AKAP6: variants seen among roughly 807,000 people sequenced by gnomAD.
AKAP6 encodes the protein A-kinase anchor protein 6.
A neutral mutation model predicts 188.5 loss-of-function variants in AKAP6; 58 were observed. That is an observed-to-expected ratio of 0.31 (90% CI 0.25 to 0.38). The LOEUF (loss-of-function observed/expected upper bound fraction) is 0.38, where lower values mean the gene tolerates loss of function less well. Among genes scored for constraint, AKAP6 ranks in the 10% least tolerant of loss-of-function variants. The pLI is 1.00. For missense variants in AKAP6, 2,710 were observed against 2,740.0 expected (o/e 0.99, Z 0.24); for synonymous variants, 989 against 998.6 (o/e 0.99, Z 0.18).
At chr14:32,776,770 G>C (rs2033080758) in intron 12 of AKAP6, among the ~76,000 whole-genome samples, 1 of 151,888 alleles carries the variant, frequency 6.6e-6, no homozygotes. Context: ...AATCTTTCTT[G>C]CTTAATAAGG....
intron 7 of AKAP6, among the ~76,000 whole-genome samples, chr14:32,667,500 C>G (rs1888995766): frequency 6.6e-6 from 1 of 152,026 alleles, no homozygotes; most frequent in African/African-American, 2.4e-5. Context: ...CAGCACTTTT[C>G]AATTCTAAAT....
intron 1 of AKAP6, among the ~76,000 whole-genome samples, chr14:32,362,873 G>C (rs1887709069): frequency 6.6e-6 from 1 of 152,170 alleles, no homozygotes; most frequent in African/African-American, 2.4e-5. Context: ...TATAGGTCAG[G>C]TGAGACAAGA....
At chr14:32,753,142 A>T (rs1363862018) in intron 11 of AKAP6, among the ~76,000 whole-genome samples, 1 of 152,034 alleles carries the variant, frequency 6.6e-6, no homozygotes, top group Non-Finnish European at 1.5e-5. Flanking sequence ...TTCCATATTT[A>T]TATTAATTTA....
intron 2 of AKAP6, among the ~76,000 whole-genome samples, chr14:32,489,424 G>A (rs1879880186): frequency 6.6e-6 from 1 of 152,026 alleles, no homozygotes; most frequent in Non-Finnish European, 1.5e-5. Flanking sequence ...TGCCTAGGCT[G>A]GTCTCGAACT....
At chr14:32,717,955 T>G (rs1461698191) in intron 9 of AKAP6, among the ~76,000 whole-genome samples, 1 of 152,086 alleles carries the variant, frequency 6.6e-6, no homozygotes, top group African/African-American at 2.4e-5. Flanking sequence ...AAGAGTAGGG[T>G]TCTTAAGTAT....
rs1887154269 is a variant in AKAP6 at position 32,629,321 on chromosome 14, C to T, written c.2730+28529C>T. 2.0e-5 allele frequency among the ~76,000 whole-genome samples: 3 copies of T among 147,564 alleles called. No homozygotes were observed. The South Asian group carries it at 6.4e-4, about 31-fold the overall frequency. On this transcript the variant is annotated intron_variant, in intron 7 of 13. Transcript: ENST00000280979. ...TTTTACATTTTTGGTAGATAGCCAG[C>T]ATTTTGTCATTTAAACGTGTCACAT...
chr14:32,502,652 A>G (rs1295697054), intron 2 of AKAP6, among the ~76,000 whole-genome samples: 1 of 152,100 alleles, frequency 6.6e-6, no homozygotes, highest in Non-Finnish European at 1.5e-5. Context: ...TTGTATATGC[A>G]TTTATAAGCA....
intron 1 of AKAP6, among the ~76,000 whole-genome samples, chr14:32,336,687 T>C (rs897961176): frequency 4.6e-5 from 7 of 152,200 alleles, no homozygotes; most frequent in African/African-American, 1.7e-4. Flanking sequence ...ATCCAATTTC[T>C]TGATTTAAGT....
chr14:32,649,018 A>G lies in AKAP6; in HGVS notation c.2731-29293A>G, dbSNP rs919565353. Among the ~76,000 whole-genome samples the G allele has an allele frequency of 6.6e-5, 10 of 152,190 alleles. No individual in the cohort carries two copies. In the South Asian group the frequency reaches 1.2e-3, roughly 19 times the overall value. Reference sequence around the variant, plus strand: ...AAGGTAAGCATAAATGGATTTCAAAATAATTAATCAAACATCAAAAAATTG... The same window carrying G: ...AAGGTAAGCATAAATGGATTTCAAAGTAATTAATCAAACATCAAAAAATTG... On this transcript the variant is annotated intron_variant, in intron 7 of 13. Coordinates refer to ENST00000280979, the MANE Select transcript of AKAP6 (RefSeq NM_004274.5).
chr14:32,813,396 C>CCA lies in AKAP6; in HGVS notation c.3589-8005_3589-8004insAC, dbSNP rs1555365148. On this transcript the variant is annotated intron_variant, in intron 12 of 13. Coordinates refer to ENST00000280979, the MANE Select transcript of AKAP6 (RefSeq NM_004274.5). The stretch of plus-strand genomic sequence containing the variant: ...GTTTTCATCTCTAACCCTACCCCCC[C>CCA]CCCCAACCCCTTTCCCAGAGGTCCT... 8.2e-4 allele frequency among the ~76,000 whole-genome samples: 100 copies of CCA among 121,914 alleles called. 9 individuals are homozygous for CCA. In the East Asian group the frequency reaches 0.026, roughly 31 times the overall value. The allele number at this position is 121,914 out of a possible 152,430, so 80.0% of individuals were successfully genotyped here. A position where few individuals can be genotyped will look rare whatever the true frequency, so the allele number is the denominator to read the frequency against.
intron 3 of AKAP6, among the ~76,000 whole-genome samples, chr14:32,540,106 AAGG>A (rs1157079902): frequency 1.4e-5 from 2 of 145,982 alleles, no homozygotes; most frequent in African/African-American, 5.2e-5. Flanking sequence ...AGAAAAAAAA[AAGG>A]AGGGGTGTTC....
intron 7 of AKAP6, among the ~76,000 whole-genome samples, chr14:32,626,121 C>A (rs1323870467): frequency 6.6e-6 from 1 of 152,080 alleles, no homozygotes; most frequent in Non-Finnish European, 1.5e-5. Flanking sequence ...ATACTTGGTC[C>A]AGGCCTCATC....
chr14:32,710,981 T>A (rs1265083742), intron 9 of AKAP6, among the ~76,000 whole-genome samples: 6 of 152,052 alleles, frequency 3.9e-5, no homozygotes, highest in Non-Finnish European at 1.5e-5. Context: ...GCATGAACAG[T>A]GACCATGTGG....
chr14:32,577,655 T>C (rs1242458269), intron 5 of AKAP6, among the ~76,000 whole-genome samples: 1 of 152,054 alleles, frequency 6.6e-6, no homozygotes, highest in African/African-American at 2.4e-5. Flanking sequence ...CTACATTATC[T>C]GTTCTACACT....
At chr14:32,726,978 G>A (rs1031415160) in intron 9 of AKAP6, among the ~76,000 whole-genome samples, 2 of 152,092 alleles carry the variant, frequency 1.3e-5, no homozygotes, top group African/African-American at 4.8e-5. Context: ...TAGTGGATAT[G>A]CCCTAAACAG....
At chr14:32,607,262 T>C (rs2139371058) in intron 7 of AKAP6, among the ~76,000 whole-genome samples, 1 of 152,380 alleles carries the variant, frequency 6.6e-6, no homozygotes, top group East Asian at 1.9e-4. Context: ...GTAGTTAGCA[T>C]GTTCCTTAAT....
chr14:32,580,044 T>C (rs573156781), intron 5 of AKAP6, among the ~76,000 whole-genome samples: 2 of 152,236 alleles, frequency 1.3e-5, no homozygotes, highest in East Asian at 3.9e-4. Flanking sequence ...CAATATTTAT[T>C]ATAAAGAAAA....
intron 12 of AKAP6, among the ~76,000 whole-genome samples, chr14:32,799,559 C>T (rs1310639823): frequency 6.6e-6 from 1 of 151,986 alleles, no homozygotes; most frequent in Non-Finnish European, 1.5e-5. Context: ...ATTGAGACTT[C>T]TTTAACTCAG....
intron 1 of AKAP6, among the ~76,000 whole-genome samples, chr14:32,376,311 C>T (rs1311073903): frequency 6.6e-6 from 1 of 152,154 alleles, no homozygotes; most frequent in Admixed American, 6.5e-5. Flanking sequence ...TTTTACTTTT[C>T]CTTAGTTGCT....
Sources: allele counts gnomAD v4.1 joint callset (sites outside exome capture counted in the v4.1 genomes callset), GRCh38; gene constraint gnomAD v4.1.1; transcripts MANE v1.5; gene names NCBI Gene and HGNC (gene_info 2026-07-23, HGNC 2026-07-21).